PPM1K: variants seen among roughly 807,000 people sequenced by gnomAD.
PPM1K encodes protein phosphatase Mn(2+)-dependent 1K.
A neutral mutation model predicts 32.6 loss-of-function variants in PPM1K; 19 were observed. The ratio of observed to expected loss-of-function variants is 0.58; its 90% CI spans 0.41 to 0.86. The LOEUF is 0.86. Ranked by LOEUF, PPM1K falls within the 40% of genes least tolerant of loss-of-function variation. The pLI, the probability that PPM1K is intolerant of heterozygous loss-of-function variation, is 0.00. For missense variants in PPM1K, 362 were observed against 461.2 expected, an observed-to-expected ratio of 0.78 and a Z score of 1.97; for synonymous variants, 159 against 165.3, an observed-to-expected ratio of 0.96 and a Z score of 0.29.
intron 6 of PPM1K, 144 bp from the exon 7 acceptor site, chr4:88,262,870 A>C: frequency 2.5e-6 from 2 of 803,570 alleles, no homozygotes; most frequent in Non-Finnish European, 3.6e-6. Flanking sequence ...TACTTATTTC[A>C]CAATGGTTTG....
At position 88,259,184 on chromosome 4, in the gene PPM1K, T is replaced by G. The variant is rs952265442; in HGVS notation, c.*3411A>C. On this transcript the variant is annotated 3_prime_UTR_variant, in exon 7 of 7. Transcript: ENST00000608933. ...AGGAGGCTGAGGCAGAAGAATCGTT[T>G]GAACCCGGGAGGCAGAGGTTGCAGG... The G allele has an allele frequency of 1.3e-5, 2 of 150,816 alleles. No homozygotes were observed. The highest frequency in any genetic ancestry group is 4.9e-5 in the African/African-American group (2 of 40,952). The allele number at this position is 150,816 out of a possible 1,614,324, so 9.3% of individuals were successfully genotyped here. A position where few individuals can be genotyped will look rare whatever the true frequency, so the allele number is the denominator to read the frequency against.
intron 6 of PPM1K, among the ~76,000 whole-genome samples, chr4:88,264,695 TAC>T (rs1731240326): frequency 6.6e-6 from 1 of 152,184 alleles, no homozygotes; most frequent in Admixed American, 6.5e-5. Context: ...TACTGTACAA[TAC>T]ATACAGTAAT....
chr4:88,263,058 C>T (rs946417690), intron 6 of PPM1K, among the ~76,000 whole-genome samples: 1 of 152,176 alleles, frequency 6.6e-6, no homozygotes, highest in Non-Finnish European at 1.5e-5. Context: ...GTAAAGCATT[C>T]AGCGTAGGGA....
rs527584638 is a variant in PPM1K, at chr4:88,271,305, G to C, written c.542-2399C>G. The C allele has an allele frequency of 7.6e-5, 16 of 211,084 alleles. 1 individual carries two copies. The highest frequency in any genetic ancestry group is 6.2e-4 in the Admixed American group (11 of 17,614). The allele number at this position is 211,084 out of a possible 1,614,324, so 13.1% of individuals were successfully genotyped here. A position where few individuals can be genotyped will look rare whatever the true frequency, so the allele number is the denominator to read the frequency against. ...AGAAAGAGCTGCAAAATAAGGGAAG[G>C]GTTTTTTATTTTGGTGAAAATTTAA... On this transcript the variant is annotated intron_variant, in intron 3 of 6. Coordinates refer to ENST00000608933, the MANE Select transcript of PPM1K (RefSeq NM_152542.5).
chr4:88,260,717 T>C lies in PPM1K; in HGVS notation c.*1878A>G, dbSNP rs531287361. On this transcript the variant is annotated 3_prime_UTR_variant, in exon 7 of 7. Coordinates refer to ENST00000608933, the MANE Select transcript of PPM1K (RefSeq NM_152542.5). ...AGGTAAGAAGATGTAAATATTTATA[T>C]TGGGCCCTCTCCCTCCTCATACATT... 5.9e-5 allele frequency: 9 copies of C among 152,174 alleles called. No individual in the cohort carries two copies. In the South Asian group the frequency reaches 1.7e-3, roughly 28 times the overall value. The allele number at this position is 152,174 out of a possible 1,614,324, so 9.4% of individuals were successfully genotyped here. A position where few individuals can be genotyped will look rare whatever the true frequency, so the allele number is the denominator to read the frequency against.
In PPM1K at chr4:88,268,737, G is replaced by A. The variant is rs1307130796; in HGVS notation, c.707+4C>T. The A allele has an allele frequency of 1.2e-6, 2 of 1,613,006 alleles. No individual in the cohort carries two copies. The highest frequency in any genetic ancestry group is 1.7e-6 in the Non-Finnish European group (2 of 1,179,112). On this transcript the variant is annotated splice_donor_region_variant and intron_variant, in intron 4 of 6. Coordinates refer to ENST00000608933, the MANE Select transcript of PPM1K (RefSeq NM_152542.5). ...ATGATATGATGGATCAGTGGTGGTAGTACCTTTCTTTTTCATCTTTTCTTT... is the reference window on the plus strand; with the variant it reads ...ATGATATGATGGATCAGTGGTGGTAATACCTTTCTTTTTCATCTTTTCTTT...
In PPM1K at chr4:88,261,301, C is replaced by A. The variant is rs995653775; in HGVS notation, c.*1294G>T. 1.1e-4 allele frequency: 17 copies of A among 152,100 alleles called. No homozygotes were observed. Among genetic ancestry groups the A allele is most frequent in the African/African-American group, 4.1e-4 (17 of 41,498 alleles). The allele number at this position is 152,100 out of a possible 1,614,324, so 9.4% of individuals were successfully genotyped here. Reference sequence around the variant, plus strand: ...TTTCTCCTAAGTCTTAGAAAATGAGCAAAAAGGAGACATAAAACTCAAGCT... The same window carrying A: ...TTTCTCCTAAGTCTTAGAAAATGAGAAAAAAGGAGACATAAAACTCAAGCT... On this transcript the variant is annotated 3_prime_UTR_variant, in exon 7 of 7. Coordinates refer to ENST00000608933, the MANE Select transcript of PPM1K (RefSeq NM_152542.5).
chr4:88,266,585 T>C (rs1262817857), intron 5 of PPM1K, among the ~76,000 whole-genome samples: 2 of 145,836 alleles, frequency 1.4e-5, no homozygotes, highest in Non-Finnish European at 3.0e-5. Context: ...GTGCAGGTGA[T>C]GCTGGCTGAC....
Position 88,278,060 on chromosome 4 carries a change from C to A in PPM1K, c.440+84G>T. ...GCAACCACTCAAGTAACTATGTTTA[C>A]GCTGGAAGCCTCAGCCAAAGGGTGA... On this transcript the variant is annotated intron_variant, in intron 2 of 6. Transcript: ENST00000608933. This position sits in a 1 kb window ranked among gnomAD's most constrained non-coding sequence, Gnocchi z 4.2. 3 of 1,138,640 alleles carry A rather than the reference C, an allele frequency of 2.6e-6. No individual in the cohort carries two copies. The highest frequency in any genetic ancestry group is 3.8e-6 in the Non-Finnish European group (3 of 793,260). The allele number at this position is 1,138,640 out of a possible 1,614,324, so 70.5% of individuals were successfully genotyped here. A position where few individuals can be genotyped will look rare whatever the true frequency, so the allele number is the denominator to read the frequency against.
intron 5 of PPM1K, among the ~76,000 whole-genome samples, chr4:88,266,875 GGTGCAGGTGATGCTGGCTGT>G (rs1355117636): frequency 2.7e-5 from 4 of 150,590 alleles, no homozygotes; most frequent in Admixed American, 6.6e-5. Context: ...TGGCTGATTG[GGTGCAGGTGATGCTGGCTGT>G]GTGCAGGTGA....
intron 1 of PPM1K, among the ~76,000 whole-genome samples, chr4:88,280,948 C>G (rs780094618): frequency 4.6e-5 from 7 of 151,612 alleles, no homozygotes; most frequent in Non-Finnish European, 1.0e-4. Context: ...TTTTATTCAG[C>G]AACAATTATG....
Position 88,268,419 on chromosome 4 carries a change from G to A in PPM1K, c.708-85C>T, listed in dbSNP as rs139553964. 5.3e-4 allele frequency: 783 copies of A among 1,465,574 alleles called. 9 individuals carry two copies. In the East Asian group the frequency reaches 0.017, roughly 33 times the overall value. The allele number at this position is 1,465,574 out of a possible 1,614,324, so 90.8% of individuals were successfully genotyped here. On this transcript the variant is annotated intron_variant, in intron 4 of 6. Coordinates refer to ENST00000608933, the MANE Select transcript of PPM1K (RefSeq NM_152542.5). ...GGGCAGATCACGAGGTCAGGAGATC[G>A]AGACCATCCTGGCTAACACGGTGAA...
rs9998634 is a variant in PPM1K, at chr4:88,269,243, G to T, written c.542-337C>A. Among the ~76,000 whole-genome samples the T allele has an allele frequency of 6.7e-3, 1,024 of 152,274 alleles. 8 individuals carry two copies. The highest frequency in any genetic ancestry group is 0.024 in the African/African-American group (982 of 41,538). On this transcript the variant is annotated intron_variant, in intron 3 of 6. Coordinates refer to ENST00000608933, the MANE Select transcript of PPM1K (RefSeq NM_152542.5). ...CACCTTCATGGATATCTGGTGTCCAGACTGAAAGTATTAAAATTTAATTAG... is the reference window on the plus strand; with the variant it reads ...CACCTTCATGGATATCTGGTGTCCATACTGAAAGTATTAAAATTTAATTAG...
chr4:88,268,053 T>C, intron 5 of PPM1K, 137 bp downstream of exon 5: 1 of 895,408 alleles, frequency 1.1e-6, no homozygotes, highest in Non-Finnish European at 1.7e-6. Flanking sequence ...ACCTGAAAAG[T>C]TTTTTTATCC....
intron 3 of PPM1K, among the ~76,000 whole-genome samples, chr4:88,271,920 G>A (rs778848159): frequency 1.6e-4 from 25 of 152,122 alleles, no homozygotes; most frequent in African/African-American, 6.0e-4. Context: ...AAAGGCTAGC[G>A]AGACGCATGT....
At chr4:88,275,458 A>G in intron 3 of PPM1K, 14 of 985,350 alleles carry the variant, frequency 1.4e-5, no homozygotes, top group Non-Finnish European at 1.7e-5. Flanking sequence ...TTCAATAATA[A>G]AAGGAGTCCT....
At position 88,268,485 on chromosome 4, in the gene PPM1K, T is replaced by A. The variant is rs555531722; in HGVS notation, c.708-151A>T. 4.4e-6 allele frequency: 4 copies of A among 908,116 alleles called. No homozygotes were observed. The South Asian group carries it at 4.6e-5, about 10-fold the overall frequency. 56.3% of individuals were successfully genotyped at this position (908,116 alleles called of 1,614,324 possible). ...AAAAACAAAAAATTAGCCGAGCGTG[T>A]TGGCAGGCGCCTGTAGTCCCAGCTA... On this transcript the variant is annotated intron_variant, in intron 4 of 6. Coordinates refer to ENST00000608933, the MANE Select transcript of PPM1K (RefSeq NM_152542.5).
intron 5 of PPM1K, 145 bp downstream of exon 5, chr4:88,268,045 C>T (rs912902947): frequency 2.3e-5 from 18 of 795,944 alleles, no homozygotes; most frequent in Non-Finnish European, 2.4e-5. Flanking sequence ...CTTATTTTAC[C>T]TGAAAAGTTT....
At chr4:88,276,409 A>T in intron 3 of PPM1K, 2 of 985,470 alleles carry the variant, frequency 2.0e-6, no homozygotes, top group Non-Finnish European at 2.4e-6. Context: ...CTTTAACAGC[A>T]AAAGATTTGG....
Sources: allele counts gnomAD v4.1 joint callset (sites outside exome capture counted in the v4.1 genomes callset), GRCh38; gene constraint gnomAD v4.1.1; non-coding constraint Gnocchi (gnomAD v3.1); transcripts MANE v1.5; gene names NCBI Gene and HGNC (gene_info 2026-07-23, HGNC 2026-07-21).